The following GPRC5B variants were observed in gnomAD, a reference collection of about 807,000 sequenced individuals.
The protein encoded by GPRC5B is G protein-coupled receptor class C group 5 member B.
GPRC5B carries 16 observed loss-of-function variants against 30.1 expected under a neutral mutation model. That is an observed-to-expected ratio of 0.53 (90% CI 0.36 to 0.81). GPRC5B has a LOEUF of 0.81. GPRC5B is among the 30% of genes least tolerant of loss of function. The pLI, the probability that GPRC5B is intolerant of heterozygous loss-of-function variation, is 0.01. For missense variants in GPRC5B, 428 were observed against 544.7 expected (o/e 0.79, Z 2.13); for synonymous variants, 241 against 239.5 (o/e 1.01, Z -0.06).
intron 2 of GPRC5B, among the ~76,000 whole-genome samples, chr16:19,865,077 A>C (rs1346562370): frequency 6.6e-6 from 1 of 150,398 alleles, no homozygotes; most frequent in Admixed American, 6.6e-5. Flanking sequence ...GCTTATTTTT[A>C]GTTTTTTTTT....
At chr16:19,885,198 C>G, upstream of GPRC5B, 4 of 1,288,050 alleles carry the variant, frequency 3.1e-6, no homozygotes, top group Non-Finnish European at 4.0e-6. The surrounding 1 kb of genome is among the most constrained non-coding windows in gnomAD (Gnocchi z 5.3). Context: ...AGCCAATACA[C>G]TTACCGAGGG....
rs1303421070 is a variant in GPRC5B, at chr16:19,857,471, G to A, written c.*3029C>T. 2.5e-5 allele frequency: 11 copies of A among 437,498 alleles called. No individual in the cohort carries two copies. Among genetic ancestry groups the A allele is most frequent in the South Asian group, 5.0e-5 (3 of 59,690 alleles). The allele number at this position is 437,498 out of a possible 1,614,324, so 27.1% of individuals were successfully genotyped here. On this transcript the variant is annotated 3_prime_UTR_variant, in exon 4 of 4. Transcript: ENST00000300571. ...TTTTATAAGTATGCAACAGTCAGCCGGGGGAAGATAAAGGTACATTATAAA... is the reference window on the plus strand; with the variant it reads ...TTTTATAAGTATGCAACAGTCAGCCAGGGGAAGATAAAGGTACATTATAAA...
rs775642788 is a variant in GPRC5B at position 19,871,921 on chromosome 16, C to T, written c.925G>A (p.Asp309Asn). ...TCCCGCATCCTGGGCTGCGACGTGTCGAAGTAGTTGGGCGTGTTCTCCTGC... is the reference window on the plus strand; with the variant it reads ...TCCCGCATCCTGGGCTGCGACGTGTTGAAGTAGTTGGGCGTGTTCTCCTGC... ...ALQENTPNYF[D>N]TSQPRMRETA... The change falls in exon 2 of 4, where the codon GAC becomes AAC. Residue 309 changes from aspartate to asparagine, a missense_variant. Asp to Asn is a conservative substitution (Grantham distance 23). Coordinates refer to ENST00000300571, the MANE Select transcript of GPRC5B (RefSeq NM_016235.3). 7 of 1,613,886 alleles carry T rather than the reference C, an allele frequency of 4.3e-6. No homozygotes were observed. The highest frequency in any genetic ancestry group is 3.3e-5 in the South Asian group (3 of 91,080).
intron 3 of GPRC5B, 89 bp downstream of exon 3, chr16:19,861,748 T>G (rs1235447763): frequency 7.1e-6 from 8 of 1,120,722 alleles, no homozygotes; most frequent in Admixed American, 1.9e-5. Flanking sequence ...ATGGGCAGCC[T>G]CCATGGAGGA....
At position 19,872,069 on chromosome 16, in the gene GPRC5B, G is replaced by C. The variant is rs781078873; in HGVS notation, c.777C>G (p.Val259=). 6.2e-7 allele frequency: 1 copy of C among 1,614,078 alleles called. No individual in the cohort carries two copies. Among genetic ancestry groups the C allele is most frequent in the African/African-American group, 1.3e-5 (1 of 75,042 alleles). The change falls in exon 2 of 4, where the codon GTC becomes GTG. Residue 259 remains valine, a synonymous_variant. Transcript: ENST00000300571. The surrounding 1 kb of genome is among the most constrained non-coding windows in gnomAD (Gnocchi z 5.0). ...TCCAGGCATCCCCCTGCTGCAGCTTGACATTGCCGAAGAGGTACATGGTCA... is the reference window on the plus strand; with the variant it reads ...TCCAGGCATCCCCCTGCTGCAGCTTCACATTGCCGAAGAGGTACATGGTCA... The part of the protein sequence containing the change: ...AWMTMYLFGN[V]KLQQGDAWND...
rs373407280 is a variant in GPRC5B at position 19,861,845 on chromosome 16, C to T, written c.1159G>A (p.Gly387Ser). Residue 387 changes from glycine (G) to serine (S), a missense_variant, in exon 3 of 4, where the codon GGT (glycine) becomes AGT (serine). This residue lies in a region of GPRC5B where 19 missense variants were observed against 43.1 expected (regional missense o/e 0.44). Transcript: ENST00000300571. The stretch of plus-strand genomic sequence containing the variant: ...CACATCTTGATACTTACGGTCCCAC[C>T]GTTGAGCACGACGGCCATCTCAGTT... ...QPTEMAVVLN[G>S]GTIPTAPPSH... The T allele has an allele frequency of 3.2e-5, 52 of 1,613,228 alleles. No individual in the cohort carries two copies. The highest frequency in any genetic ancestry group is 3.6e-5 in the Non-Finnish European group (43 of 1,179,712).
At chr16:19,883,093 G>A (rs954386134) in intron 1 of GPRC5B, among the ~76,000 whole-genome samples, 2 of 152,134 alleles carry the variant, frequency 1.3e-5, no homozygotes, top group Admixed American at 6.5e-5. Context: ...CATTTGCTAT[G>A]GGTTTGTTTA....
intron 1 of GPRC5B, among the ~76,000 whole-genome samples, chr16:19,873,288 C>CACCGTCTCTACTAAAAAAT (rs1363539011): frequency 2.6e-5 from 4 of 151,888 alleles, no homozygotes; most frequent in Non-Finnish European, 5.9e-5. Context: ...CACAGTAAAA[C>CACCGTCTCTACTAAAAAAT]ACCGTCTCTA....
chr16:19,865,690 G>A (rs2056659884), intron 2 of GPRC5B, among the ~76,000 whole-genome samples: 1 of 152,148 alleles, frequency 6.6e-6, no homozygotes, highest in Admixed American at 6.5e-5. Context: ...AATGTTCATT[G>A]CAGCACTGTT....
chr16:19,883,938 AC>A (rs1367423928), intron 1 of GPRC5B, among the ~76,000 whole-genome samples: 4 of 151,762 alleles, frequency 2.6e-5, no homozygotes, highest in Non-Finnish European at 5.9e-5. Flanking sequence ...AGCGCTAGGG[AC>A]CCCGGGATGT....
At chr16:19,876,760 T>C (rs970281157) in intron 1 of GPRC5B, among the ~76,000 whole-genome samples, 3 of 152,258 alleles carry the variant, frequency 2.0e-5, no homozygotes, top group African/African-American at 7.2e-5. Flanking sequence ...TCTTGCTTTC[T>C]GTTTTCATCC....
At position 19,871,281 on chromosome 16, in the gene GPRC5B, C is replaced by CAAAAAAAA. The variant is rs71375667; in HGVS notation, c.1030+527_1030+534dup. ...TGGGCAACAGAACAAGACCCTGTCT[C>CAAAAAAAA]AAAAAAAAAAAAAAAAAAAGAAAGA... On this transcript the variant is annotated intron_variant, in intron 2 of 3. Coordinates refer to ENST00000300571, the MANE Select transcript of GPRC5B (RefSeq NM_016235.3). Among the ~76,000 whole-genome samples the CAAAAAAAA allele has an allele frequency of 3.0e-3, 212 of 70,322 alleles. 11 individuals are homozygous for CAAAAAAAA. Among genetic ancestry groups the CAAAAAAAA allele is most frequent in the African/African-American group, 7.3e-3 (122 of 16,678 alleles). 46.1% of individuals were successfully genotyped at this position (70,322 alleles called of 152,430 possible).
intron 1 of GPRC5B, among the ~76,000 whole-genome samples, chr16:19,878,459 A>G (rs994547773): frequency 1.3e-5 from 2 of 151,548 alleles, no homozygotes; most frequent in Non-Finnish European, 2.9e-5. Flanking sequence ...GCACCTGGCT[A>G]ATTTTTGTAT....
At chr16:19,885,311 C>G (rs928112452), upstream of GPRC5B, 8 of 1,250,960 alleles carry the variant, frequency 6.4e-6, no homozygotes, top group African/African-American at 9.3e-5. This position sits in a 1 kb window ranked among gnomAD's most constrained non-coding sequence, Gnocchi z 5.3. Flanking sequence ...ACACCAGCAC[C>G]AGGTCCAGGA....
chr16:19,865,630 T>A (rs1376171271), intron 2 of GPRC5B, among the ~76,000 whole-genome samples: 4 of 152,120 alleles, frequency 2.6e-5, no homozygotes, highest in Non-Finnish European at 4.4e-5. Context: ...TTTAGAAAAA[T>A]TTTTTTGCAA....
chr16:19,864,681 C>T (rs373519280), intron 2 of GPRC5B, among the ~76,000 whole-genome samples: 57 of 152,336 alleles, frequency 3.7e-4, no homozygotes, highest in African/African-American at 8.9e-4. Flanking sequence ...TCCTGGGCAC[C>T]GGCGATTCTG....
At chr16:19,873,203 G>C (rs1353158304) in intron 1 of GPRC5B, among the ~76,000 whole-genome samples, 1 of 152,128 alleles carries the variant, frequency 6.6e-6, no homozygotes, top group Non-Finnish European at 1.5e-5. Flanking sequence ...GGTGGCTCAT[G>C]CTTGTAATCC....
chr16:19,871,091 C>G (rs2056713624), intron 2 of GPRC5B, among the ~76,000 whole-genome samples: 1 of 151,396 alleles, frequency 6.6e-6, no homozygotes. Context: ...TGAGACCTGC[C>G]TGGGCCACAT....
At chr16:19,875,052 C>A (rs1443557454) in intron 1 of GPRC5B, among the ~76,000 whole-genome samples, 1 of 152,126 alleles carries the variant, frequency 6.6e-6, no homozygotes, top group Non-Finnish European at 1.5e-5. Context: ...TGGGGCTTCC[C>A]TAAGTAAATG....
Sources: gnomAD v4.1 joint callset for allele counts (sites outside exome capture counted in the v4.1 genomes callset) on GRCh38, gnomAD v4.1.1 for gene constraint, gnomAD v4.1.1 regional missense constraint, Gnocchi (gnomAD v3.1) non-coding constraint, MANE v1.5 for transcripts, NCBI Gene and HGNC (gene_info 2026-07-23, HGNC 2026-07-21) for gene names.